The following PRR5 variants were observed in gnomAD, a reference collection of about 807,000 sequenced individuals.
The protein encoded by PRR5 is proline-rich protein 5.
In PRR5, 25 loss-of-function variants were observed where a neutral mutation model predicts 30.6. That is an observed-to-expected ratio of 0.82 (90% confidence interval 0.60 to 1.14). The LOEUF is 1.14. Ranked by LOEUF, PRR5 falls within the 50% of genes most tolerant of loss-of-function variation. PRR5 has a pLI of 0.00. For missense variants in PRR5, 600 were observed against 547.1 expected, an observed-to-expected ratio of 1.10 and a Z score of -0.96; for synonymous variants, 286 against 247.1, an observed-to-expected ratio of 1.16 and a Z score of -1.48.
In PRR5 at chr22:44,728,883, G is replaced by A. The variant is rs559472017; in HGVS notation, c.322+2249G>A. On this transcript the variant is annotated intron_variant, in intron 4 of 7. Coordinates refer to ENST00000336985, the MANE Select transcript of PRR5 (RefSeq NM_181333.4). The stretch of plus-strand genomic sequence containing the variant: ...TGGACTTCAGCCCCTGGGCAGAGCC[G>A]GTCCTGGAAGCGGAGAGCCTGGAGG... Among the ~76,000 whole-genome samples, 73 of 152,318 alleles carry A rather than the reference G, an allele frequency of 4.8e-4. 3 individuals carry two copies. In the East Asian group the frequency reaches 7.7e-3, roughly 16 times the overall value.
chr22:44,736,686 G>T, intron 7 of PRR5, 86 bp from the exon 8 acceptor site: 1 of 1,490,744 alleles, frequency 6.7e-7, no homozygotes. Flanking sequence ...CCTGCACAGG[G>T]ACCCAGTGTG....
chr22:44,709,929 G>C (rs978366072), intron 1 of PRR5, among the ~76,000 whole-genome samples: 1 of 152,202 alleles, frequency 6.6e-6, no homozygotes, highest in Non-Finnish European at 1.5e-5. Flanking sequence ...CAGCCACCGA[G>C]TTAGGGGTAA....
intron 1 of PRR5, among the ~76,000 whole-genome samples, chr22:44,707,607 C>G (rs1927434926): frequency 6.6e-6 from 1 of 152,222 alleles, no homozygotes; most frequent in African/African-American, 2.4e-5. Context: ...TGCCCCAGAC[C>G]CAGAGCAGGC....
rs770454822 is a variant in PRR5, at chr22:44,736,984, G to T, written c.904G>T (p.Gly302Cys). Residue 302 changes from glycine (G) to cysteine (C), a missense_variant, in exon 8 of 8, where the codon GGC becomes TGC. Physicochemically the swap from Gly to Cys is radical, Grantham distance 159. Transcript: ENST00000336985. ...GGGCTTCTCCGACCCGCCCGGCCAGGGCCCCACCGGGACCTTCAGGTCCTC... is the reference window on the plus strand; with the variant it reads ...GGGCTTCTCCGACCCGCCCGGCCAGTGCCCCACCGGGACCTTCAGGTCCTC... ...PQGFSDPPGQ[G>C]PTGTFRSSPA... 16 of 1,600,540 alleles carry T rather than the reference G, an allele frequency of 1.0e-5. No homozygotes were observed. In the Admixed American group the frequency reaches 2.7e-4, roughly 27 times the overall value.
intron 1 of PRR5, among the ~76,000 whole-genome samples, chr22:44,696,700 C>A (rs1447953573): frequency 1.3e-5 from 2 of 149,766 alleles, no homozygotes; most frequent in Non-Finnish European, 3.0e-5. Flanking sequence ...TGCTGTGGGA[C>A]CAAGGAAGAC....
At chr22:44,723,755 T>G (rs1257497189) in intron 2 of PRR5, among the ~76,000 whole-genome samples, 1 of 152,166 alleles carries the variant, frequency 6.6e-6, no homozygotes, top group Non-Finnish European at 1.5e-5. Flanking sequence ...AGTGGGAACA[T>G]AGTACTTTGA....
chr22:44,690,861 G>A (rs1240353394), intron 1 of PRR5, among the ~76,000 whole-genome samples: 2 of 151,908 alleles, frequency 1.3e-5, no homozygotes, highest in South Asian at 2.1e-4. Context: ...TGGCGGGAGA[G>A]GGGCCTGGCA....
At chr22:44,670,383 C>T (rs1368366238) in intron 1 of PRR5, among the ~76,000 whole-genome samples, 1 of 152,182 alleles carries the variant, frequency 6.6e-6, no homozygotes, top group African/African-American at 2.4e-5. Context: ...GTCAGGATCC[C>T]AGCTCCAGCA....
In PRR5 at chr22:44,737,504, G is replaced by C; in HGVS notation, c.*257G>C. The C allele has an allele frequency of 1.7e-6, 1 of 580,284 alleles. No individual in the cohort carries two copies. Among genetic ancestry groups the C allele is most frequent in the South Asian group, 2.9e-5 (1 of 34,422 alleles). The allele number at this position is 580,284 out of a possible 1,614,324, so 35.9% of individuals were successfully genotyped here. A position where few individuals can be genotyped will look rare whatever the true frequency, so the allele number is the denominator to read the frequency against. The stretch of plus-strand genomic sequence containing the variant: ...GGCCAGAGACGGGGGTCGGCCGCTC[G>C]CTCCCACGCTCCTCCTGCCCCAGCC... On this transcript the variant is annotated 3_prime_UTR_variant, in exon 8 of 8. Transcript: ENST00000336985.
intron 3 of PRR5, among the ~76,000 whole-genome samples, chr22:44,725,563 T>C (rs1920929787): frequency 6.6e-6 from 1 of 152,186 alleles, no homozygotes; most frequent in Non-Finnish European, 1.5e-5. Context: ...CTCCACCTCC[T>C]GGCTTCAAGT....
At chr22:44,669,496 C>T (rs972660208) in intron 1 of PRR5, among the ~76,000 whole-genome samples, 2 of 152,224 alleles carry the variant, frequency 1.3e-5, no homozygotes, top group African/African-American at 4.8e-5. Context: ...GGGAGACACC[C>T]TCACCATCCC....
chr22:44,668,950 G>T (rs1923255161), intron 1 of PRR5: 1 of 150,158 alleles, frequency 6.7e-6, no homozygotes, highest in Non-Finnish European at 1.5e-5. Context: ...GCGCGCGTAG[G>T]TGCGCGCGCG....
At position 44,737,409 on chromosome 22, in the gene PRR5, A is replaced by G; in HGVS notation, c.*162A>G. On this transcript the variant is annotated 3_prime_UTR_variant, in exon 8 of 8. Coordinates refer to ENST00000336985, the MANE Select transcript of PRR5 (RefSeq NM_181333.4). The stretch of plus-strand genomic sequence containing the variant: ...CTTTGTATTTCTGTCTTGGTTGGAA[A>G]TACCATCAGCCTTCCTTGCTCGGCC... 7.4e-7 allele frequency: 1 copy of G among 1,351,434 alleles called. No individual in the cohort carries two copies. Among genetic ancestry groups the G allele is most frequent in the Non-Finnish European group, 9.7e-7 (1 of 1,027,632 alleles). The allele number at this position is 1,351,434 out of a possible 1,614,324, so 83.7% of individuals were successfully genotyped here. A position where few individuals can be genotyped will look rare whatever the true frequency, so the allele number is the denominator to read the frequency against.
At chr22:44,716,039 C>T (rs754127897) in intron 2 of PRR5, among the ~76,000 whole-genome samples, 21 of 152,212 alleles carry the variant, frequency 1.4e-4, no homozygotes, top group Admixed American at 2.6e-4. Flanking sequence ...CATCCTTCTC[C>T]CCTGCCCTCC....
At chr22:44,684,037 G>T (rs573122810) in intron 1 of PRR5, among the ~76,000 whole-genome samples, 115 of 152,304 alleles carry the variant, frequency 7.6e-4, no homozygotes, top group African/African-American at 2.6e-3. Flanking sequence ...ACTGGGTGGG[G>T]GTGTCGAAAC....
chr22:44,695,541 C>A (rs1226806698), intron 1 of PRR5, among the ~76,000 whole-genome samples: 1 of 152,062 alleles, frequency 6.6e-6, no homozygotes, highest in Non-Finnish European at 1.5e-5. Context: ...TATAAGAAGC[C>A]TCTCTTCATG....
intron 1 of PRR5, among the ~76,000 whole-genome samples, chr22:44,693,823 TA>T (rs1925510448): frequency 7.2e-6 from 1 of 138,204 alleles, no homozygotes. Flanking sequence ...TTTGTATTTT[TA>T]GTAGAGACAG....
chr22:44,677,972 A>T (rs775037646), intron 1 of PRR5, among the ~76,000 whole-genome samples: 1 of 152,144 alleles, frequency 6.6e-6, no homozygotes, highest in Non-Finnish European at 1.5e-5. Flanking sequence ...TCCAGGAAAT[A>T]ACCGGGAGCT....
chr22:44,696,784 T>C (rs1925792441), intron 1 of PRR5, among the ~76,000 whole-genome samples: 1 of 150,866 alleles, frequency 6.6e-6, no homozygotes, highest in African/African-American at 2.5e-5. Flanking sequence ...TCGCCCAGGC[T>C]AGAGTGCAGT....
Sources: allele counts gnomAD v4.1 joint callset (sites outside exome capture counted in the v4.1 genomes callset), GRCh38; gene constraint gnomAD v4.1.1; transcripts MANE v1.5; gene names NCBI Gene and HGNC (gene_info 2026-07-23, HGNC 2026-07-21).